Variants in TRAF2 observed in about 807,000 individuals in gnomAD.
TRAF2 encodes TNF receptor-associated factor 2.
In TRAF2, 6 loss-of-function variants were observed where a neutral mutation model predicts 55.6. The observed-to-expected ratio is 0.11, with a 90% confidence interval of 0.06 to 0.21. The LOEUF is 0.21. TRAF2 is among the 10% of genes least tolerant of loss of function. The probability of loss-of-function intolerance (pLI) is 1.00; values close to 1 mark genes in which losing one functional copy is unlikely to be tolerated. For synonymous variants in TRAF2, 329 were observed against 276.3 expected, an observed-to-expected ratio of 1.19 and a Z score of -1.89; for missense variants, 561 against 684.5, an observed-to-expected ratio of 0.82 and a Z score of 2.01.
intron 9 of TRAF2, among the ~76,000 whole-genome samples, chr9:136,921,909 G>A (rs978759471): frequency 2.0e-5 from 3 of 152,136 alleles, no homozygotes; most frequent in Non-Finnish European, 4.4e-5. Flanking sequence ...CCATCATCTC[G>A]GCCCCAACTC....
intron 1 of TRAF2, among the ~76,000 whole-genome samples, chr9:136,896,311 G>A (rs1469843658): frequency 3.9e-5 from 6 of 152,244 alleles, no homozygotes; most frequent in Non-Finnish European, 7.3e-5. Context: ...GTGCCCCCAC[G>A]GGGAGCGCAA....
intron 9 of TRAF2, among the ~76,000 whole-genome samples, chr9:136,921,660 C>G (rs1034280827): frequency 6.6e-6 from 1 of 150,492 alleles, no homozygotes; most frequent in Non-Finnish European, 1.5e-5. Context: ...ATTTTCCACA[C>G]GGAGCTCAGG....
rs1229905654 is a variant in TRAF2, at chr9:136,921,201, C to T, written c.1124C>T (p.Ala375Val). 1.2e-6 allele frequency: 2 copies of T among 1,613,786 alleles called. No individual in the cohort carries two copies. The highest frequency in any genetic ancestry group is 1.1e-5 in the South Asian group (1 of 91,090). The change falls in exon 9 of 11, where the codon GCC becomes GTC. Residue 375 changes from alanine to valine, a missense_variant. Physicochemically the swap from Ala to Val is moderately conservative, Grantham distance 64. This residue lies in a region of TRAF2 where 135 missense variants were observed against 207.7 expected (regional missense o/e 0.65). Transcript: ENST00000247668. ...RQEAVAGRIP[A>V]IFSPAFYTSR... Reference sequence around the variant, plus strand: ...GAAGCTGTGGCTGGCCGCATACCCGCCATCTTCTCCCCAGGTGTGGTTCTA... The same window carrying T: ...GAAGCTGTGGCTGGCCGCATACCCGTCATCTTCTCCCCAGGTGTGGTTCTA...
At chr9:136,922,155 G>A (rs186209447) in intron 9 of TRAF2, among the ~76,000 whole-genome samples, 4 of 152,330 alleles carry the variant, frequency 2.6e-5, no homozygotes, top group East Asian at 1.9e-4. Context: ...AGACCCAAGC[G>A]TCATCTGGAG....
In TRAF2 at chr9:136,900,663, A is replaced by G. The variant is rs1448298280; in HGVS notation, c.366+143A>G. 4 of 739,976 alleles carry G rather than the reference A, an allele frequency of 5.4e-6. No individual in the cohort carries two copies. In the African/African-American group the frequency reaches 6.9e-5, roughly 13 times the overall value. 45.8% of individuals were successfully genotyped at this position (739,976 alleles called of 1,614,324 possible). A position where few individuals can be genotyped will look rare whatever the true frequency, so the allele number is the denominator to read the frequency against. ...CTGATGTCTGTGGAGGAAGAGACGGAGCTGCTCCTTAGAGTATGTCCATTT... is the reference window on the plus strand; with the variant it reads ...CTGATGTCTGTGGAGGAAGAGACGGGGCTGCTCCTTAGAGTATGTCCATTT... On this transcript the variant is annotated intron_variant, in intron 4 of 10. Coordinates refer to ENST00000247668, the MANE Select transcript of TRAF2 (RefSeq NM_021138.4).
intron 6 of TRAF2, among the ~76,000 whole-genome samples, chr9:136,911,498 T>C (rs1429093928): frequency 6.6e-6 from 1 of 152,086 alleles, no homozygotes; most frequent in Non-Finnish European, 1.5e-5. Context: ...CTCCCAACTT[T>C]AGGTGATCCA....
chr9:136,919,495 A>G lies in TRAF2; in HGVS notation c.679-739A>G, dbSNP rs1588443061. ...TTTTTAGTAGAGACAGGGTTTCTCC[A>G]TGTTGGTCAGGCTAGTCTCGAACTC... On this transcript the variant is annotated intron_variant, in intron 7 of 10. Coordinates refer to ENST00000247668, the MANE Select transcript of TRAF2 (RefSeq NM_021138.4). Among the ~76,000 whole-genome samples the G allele has an allele frequency of 2.6e-5, 4 of 151,438 alleles. No individual in the cohort carries two copies. The South Asian group carries it at 8.4e-4, about 32-fold the overall frequency.
At chr9:136,896,303 G>C (rs1182838562) in intron 1 of TRAF2, among the ~76,000 whole-genome samples, 1 of 152,228 alleles carries the variant, frequency 6.6e-6, no homozygotes, top group Admixed American at 6.5e-5. Context: ...GGTGACACGT[G>C]CCCCCACGGG....
chr9:136,901,193 T>C (rs903678683), intron 4 of TRAF2, among the ~76,000 whole-genome samples: 1 of 152,194 alleles, frequency 6.6e-6, no homozygotes, highest in Non-Finnish European at 1.5e-5. Flanking sequence ...TCACCTGTAG[T>C]GTAGAGGCCA....
chr9:136,898,106 G>A (rs925535548), intron 1 of TRAF2, among the ~76,000 whole-genome samples: 8 of 149,844 alleles, frequency 5.3e-5, no homozygotes, highest in Non-Finnish European at 7.4e-5. Flanking sequence ...TCCCGCTCTC[G>A]GGGCTGGAGG....
chr9:136,918,229 A>ATT (rs1185815465), intron 7 of TRAF2, among the ~76,000 whole-genome samples: 9 of 32,112 alleles, frequency 2.8e-4, no homozygotes, highest in African/African-American at 2.0e-3. Flanking sequence ...TGTTTTGTTT[A>ATT]TATATATATA....
chr9:136,905,067 C>T (rs1256846309), intron 4 of TRAF2, among the ~76,000 whole-genome samples: 1 of 152,250 alleles, frequency 6.6e-6, no homozygotes, highest in Admixed American at 6.5e-5. Flanking sequence ...GCCCAAGTGC[C>T]TGTGCTGTCC....
chr9:136,917,775 C>T (rs1305887420), intron 7 of TRAF2, among the ~76,000 whole-genome samples: 1 of 152,178 alleles, frequency 6.6e-6, no homozygotes. Flanking sequence ...GTTGGATAGT[C>T]TTCTGCTGTC....
At chr9:136,908,400 G>T (rs1478070688) in intron 5 of TRAF2, among the ~76,000 whole-genome samples, 169 bp downstream of exon 5, 1 of 152,256 alleles carries the variant, frequency 6.6e-6, no homozygotes, top group African/African-American at 2.4e-5. Flanking sequence ...CTGGGAATGG[G>T]TGTGAAGTTA....
chr9:136,897,522 G>A (rs1220132316), intron 1 of TRAF2, among the ~76,000 whole-genome samples: 1 of 151,300 alleles, frequency 6.6e-6, no homozygotes, highest in East Asian at 1.9e-4. Context: ...TCTAGGGGCT[G>A]GAGGGAAACC....
Position 136,908,187 on chromosome 9 carries a change from A to G in TRAF2, c.484A>G (p.Ser162Gly). The G allele has an allele frequency of 6.2e-7, 1 of 1,600,610 alleles. No homozygotes were observed. Among genetic ancestry groups the G allele is most frequent in the Non-Finnish European group, 8.5e-7 (1 of 1,179,588 alleles). Residue 162 changes from serine to glycine, a missense_variant, in exon 5 of 11, where the codon AGC (serine) becomes GGC (glycine). Physicochemically the swap from Ser to Gly is moderately conservative, Grantham distance 56. Coordinates refer to ENST00000247668, the MANE Select transcript of TRAF2 (RefSeq NM_021138.4). The stretch of plus-strand genomic sequence containing the variant: ...GCACGAGTGCCCGGAGAGAAGCCTG[A>G]GCTGCCGGCATTGCCGGGCACCCTG... ...LEHECPERSL[S>G]CRHCRAPCCG...
At chr9:136,901,732 T>C (rs1849824399) in intron 4 of TRAF2, among the ~76,000 whole-genome samples, 1 of 152,136 alleles carries the variant, frequency 6.6e-6, no homozygotes, top group Non-Finnish European at 1.5e-5. Flanking sequence ...TTAGGGGAGC[T>C]TCCTGCCCGG....
chr9:136,923,662 T>G (rs1211441854), intron 9 of TRAF2, among the ~76,000 whole-genome samples, 190 bp from the exon 10 acceptor site: 1 of 151,910 alleles, frequency 6.6e-6, no homozygotes, highest in East Asian at 1.9e-4. Context: ...CCTTTTTTTT[T>G]GTAATGAAAT....
chr9:136,884,118 G>C (rs1849405409), upstream of TRAF2, among the ~76,000 whole-genome samples: 1 of 151,236 alleles, frequency 6.6e-6, no homozygotes, highest in Non-Finnish European at 1.5e-5. Flanking sequence ...CCGGCCTTTT[G>C]TATTTTTTTA....
Sources: gnomAD v4.1 joint callset for allele counts (sites outside exome capture counted in the v4.1 genomes callset) on GRCh38, gnomAD v4.1.1 for gene constraint, gnomAD v4.1.1 regional missense constraint, MANE v1.5 for transcripts, NCBI Gene and HGNC (gene_info 2026-07-23, HGNC 2026-07-21) for gene names.